Variants in RBL2 observed in about 807,000 individuals in gnomAD.
The protein encoded by RBL2 is RB transcriptional corepressor like 2.
A neutral mutation model predicts 126.0 loss-of-function variants in RBL2; 56 were observed. The observed-to-expected ratio is 0.44, with a 90% CI of 0.36 to 0.56. The LOEUF is 0.56. RBL2 is among the 20% of genes least tolerant of loss of function. The probability of loss-of-function intolerance (pLI) is 0.00; values close to 1 mark genes in which losing one functional copy is unlikely to be tolerated. For synonymous variants in RBL2, 454 were observed against 478.5 expected (o/e 0.95, Z 0.67); for missense variants, 1,229 against 1,398.2 (o/e 0.88, Z 1.93).
Position 53,447,117 on chromosome 16 carries a change from A to G in RBL2, c.637+11A>G, listed in dbSNP as rs539738120. The G allele has an allele frequency of 6.4e-5, 88 of 1,365,628 alleles. No homozygotes were observed. Among genetic ancestry groups the G allele is most frequent in the Non-Finnish European group, 8.8e-5 (86 of 975,550 alleles). The allele number at this position is 1,365,628 out of a possible 1,614,324, so 84.6% of individuals were successfully genotyped here. ...TTATATATGCAAAAGGTAAGAAAATAGTAATATTTATTTAGATTTAATATG... is the reference window on the plus strand; with the variant it reads ...TTATATATGCAAAAGGTAAGAAAATGGTAATATTTATTTAGATTTAATATG... On this transcript the variant is annotated intron_variant, in intron 4 of 21. Coordinates refer to ENST00000262133, the MANE Select transcript of RBL2 (RefSeq NM_005611.4).
intron 21 of RBL2, among the ~76,000 whole-genome samples, chr16:53,483,313 C>T (rs879787080): frequency 6.6e-6 from 1 of 152,162 alleles, no homozygotes; most frequent in African/African-American, 2.4e-5. Flanking sequence ...GTAATCCCAA[C>T]ATTTTGGCAG....
intron 21 of RBL2, 124 bp from the exon 22 acceptor site, chr16:53,490,006 T>C (rs1961348539): frequency 1.4e-6 from 1 of 693,372 alleles, no homozygotes; most frequent in Admixed American, 4.0e-5. Context: ...TAGTGTTTCT[T>C]TTCTCTGTAG....
At chr16:53,479,256 T>C (rs377080896) in intron 18 of RBL2, 31 bp downstream of exon 18, 6 of 1,574,146 alleles carry the variant, frequency 3.8e-6, no homozygotes, top group Non-Finnish European at 4.4e-6. Flanking sequence ...GGCTGAAAAA[T>C]AAAGCTTAAA....
intron 21 of RBL2, among the ~76,000 whole-genome samples, chr16:53,486,055 C>G (rs751180003): frequency 6.7e-6 from 1 of 149,208 alleles, no homozygotes; most frequent in Non-Finnish European, 1.5e-5. Context: ...CTTTGGGAGA[C>G]CAAGGCAGAA....
chr16:53,473,887 A>G (rs1960615489), intron 17 of RBL2, among the ~76,000 whole-genome samples: 1 of 152,016 alleles, frequency 6.6e-6, no homozygotes, highest in South Asian at 2.1e-4. Flanking sequence ...TTGTGTGTCC[A>G]TTGAGATGAT....
At chr16:53,476,010 T>TA (rs1208661117) in intron 17 of RBL2, among the ~76,000 whole-genome samples, 1 of 151,496 alleles carries the variant, frequency 6.6e-6, no homozygotes, top group East Asian at 2.0e-4. Context: ...TTTTTGTAGA[T>TA]ACGAGATTTT....
At chr16:53,485,298 A>ATTATATATTTCTATT (rs1267863745) in intron 21 of RBL2, among the ~76,000 whole-genome samples, 1 of 152,216 alleles carries the variant, frequency 6.6e-6, no homozygotes, top group Non-Finnish European at 1.5e-5. Flanking sequence ...TGGAACCTAA[A>ATTATATATTTCTATT]TTATATATTT....
intron 1 of RBL2, among the ~76,000 whole-genome samples, chr16:53,438,017 A>T (rs1443194936): frequency 2.0e-5 from 3 of 151,514 alleles, no homozygotes; most frequent in Admixed American, 2.0e-4. Flanking sequence ...ACACAGTGAG[A>T]CTCCATCTCA....
intron 4 of RBL2, among the ~76,000 whole-genome samples, chr16:53,449,948 A>C (rs2153140485): frequency 6.8e-6 from 1 of 146,836 alleles, no homozygotes; most frequent in African/African-American, 2.5e-5. Context: ...ATTAGATGTT[A>C]CAGTACTGCC....
At position 53,444,450 on chromosome 16, in the gene RBL2, G is replaced by A. The variant is rs374938517; in HGVS notation, c.572+1592G>A. Among the ~76,000 whole-genome samples the A allele has an allele frequency of 2.4e-4, 36 of 152,202 alleles. No homozygotes were observed. In the East Asian group the frequency reaches 3.1e-3, roughly 13 times the overall value. ...TGCCTGTAATCCCAGCTACTTGGGA[G>A]GGAGAGGTGGAAGAATCACTTGAAC... is the stretch of plus-strand genomic sequence containing the variant. On this transcript the variant is annotated intron_variant, in intron 3 of 21. Coordinates refer to ENST00000262133, the MANE Select transcript of RBL2 (RefSeq NM_005611.4).
rs2058305699 is a variant in RBL2 at position 53,469,963 on chromosome 16, G to A, written c.2023G>A (p.Ala675Thr). 2 of 1,612,654 alleles carry A rather than the reference G, an allele frequency of 1.2e-6. No homozygotes were observed. The highest frequency in any genetic ancestry group is 2.2e-5 in the South Asian group (2 of 90,920). The change falls in exon 15 of 22, where the codon GCC becomes ACC. Residue 675 changes from alanine (A) to threonine (T), a missense_variant. Ala to Thr is a moderately conservative substitution (Grantham distance 58, BLOSUM62 0). This residue lies in a region of RBL2 where 1,070 missense variants were observed against 1,274.3 expected (regional missense o/e 0.84). Transcript: ENST00000262133. The stretch of plus-strand genomic sequence containing the variant: ...ATACGATAGGTACAGCTCCCCACCA[G>A]CCAGCACTACCAGAAGGCGGCTATT... ...TLYDRYSSPP[A>T]STTRRRLFVE...
chr16:53,440,744 G>A lies in RBL2; in HGVS notation c.371+1598G>A, dbSNP rs1029272403. Among the ~76,000 whole-genome samples the A allele has an allele frequency of 4.0e-5, 6 of 151,836 alleles. No individual in the cohort carries two copies. In the East Asian group the frequency reaches 7.8e-4, roughly 20 times the overall value. On this transcript the variant is annotated intron_variant, in intron 2 of 21. Transcript: ENST00000262133. ...AATTTTTTGTATTTTTAGTAGAGAC[G>A]GGTTTCACCATGTTGGCCAGGCTGG... is the stretch of plus-strand genomic sequence containing the variant.
chr16:53,463,021 C>T (rs759534101), intron 11 of RBL2, among the ~76,000 whole-genome samples: 2 of 151,898 alleles, frequency 1.3e-5, no homozygotes, highest in African/African-American at 2.4e-5. Flanking sequence ...TTGTATTTTT[C>T]GTAGAGATGG....
chr16:53,474,252 A>G (rs1012981393), intron 17 of RBL2, among the ~76,000 whole-genome samples: 2 of 151,912 alleles, frequency 1.3e-5, no homozygotes, highest in African/African-American at 4.8e-5. Flanking sequence ...CAGCCTCCCA[A>G]TGTGTTGGGA....
chr16:53,483,321 C>A (rs1270455624), intron 21 of RBL2, among the ~76,000 whole-genome samples: 1 of 152,100 alleles, frequency 6.6e-6, no homozygotes, highest in Non-Finnish European at 1.5e-5. Context: ...AACATTTTGG[C>A]AGGCTGGGGT....
intron 4 of RBL2, 80 bp downstream of exon 4, chr16:53,447,186 G>A: frequency 1.3e-6 from 1 of 772,264 alleles, no homozygotes; most frequent in Non-Finnish European, 2.1e-6. Flanking sequence ...CTTCTAATAT[G>A]TATCAGGAAA....
At chr16:53,438,538 T>C (rs1372499461) in intron 1 of RBL2, among the ~76,000 whole-genome samples, 1 of 152,014 alleles carries the variant, frequency 6.6e-6, no homozygotes, top group Non-Finnish European at 1.5e-5. Flanking sequence ...AATGTTAATG[T>C]CACATTATAA....
At chr16:53,451,912 C>T in intron 5 of RBL2, 81 bp downstream of exon 5, 1 of 1,498,466 alleles carries the variant, frequency 6.7e-7, no homozygotes, top group African/African-American at 1.4e-5. Context: ...GGTTTCCTAG[C>T]ATCAGTATTT....
intron 8 of RBL2, among the ~76,000 whole-genome samples, chr16:53,456,132 C>T (rs553079276): frequency 9.9e-5 from 15 of 151,964 alleles, no homozygotes; most frequent in South Asian, 6.2e-4. Flanking sequence ...GCCGTGATCG[C>T]GTCACTGCCC....
Sources: allele counts gnomAD v4.1 joint callset (sites outside exome capture counted in the v4.1 genomes callset), GRCh38; gene constraint gnomAD v4.1.1; regional missense constraint gnomAD v4.1.1; transcripts MANE v1.5; gene names NCBI Gene and HGNC (gene_info 2026-07-23, HGNC 2026-07-21).